The following RBM10 variants were observed in gnomAD, a reference collection of about 807,000 sequenced individuals.
RBM10 encodes the protein RNA-binding protein 10.
A neutral mutation model predicts 84.9 loss-of-function variants in RBM10; 1 was observed. The ratio of observed to expected loss-of-function variants is 0.01; its 90% CI spans 0.00 to 0.06. RBM10 has a LOEUF of 0.06. Ranked by LOEUF, RBM10 falls within the 10% of genes least tolerant of loss-of-function variation. The pLI, the probability that RBM10 is intolerant of heterozygous loss-of-function variation, is 1.00. For missense variants in RBM10, 438 were observed against 839.0 expected, an observed-to-expected ratio of 0.52 and a Z score of 5.90; for synonymous variants, 326 against 344.5, an observed-to-expected ratio of 0.95 and a Z score of 0.60.
At chrX:47,156,639 T>TA (rs1556765272) in intron 2 of RBM10, 5 of 156,685 alleles carry the variant, frequency 3.2e-5, no homozygotes, top group Non-Finnish European at 2.4e-5. Flanking sequence ...GCTCCATGGG[T>TA]ACTGGGAGGA....
chrX:47,186,032 C>T (rs1935880724), intron 21 of RBM10, 33 bp from the exon 22 acceptor site: 2 of 1,201,925 alleles, frequency 1.7e-6, no homozygotes, highest in Non-Finnish European at 2.3e-6. Context: ...GAGACCAGCT[C>T]CCCAACATTC....
intron 3 of RBM10, among the ~76,000 whole-genome samples, chrX:47,170,286 G>A (rs1291383711): frequency 1.8e-5 from 2 of 113,771 alleles, no homozygotes; most frequent in Non-Finnish European, 3.7e-5. Flanking sequence ...GCTGTGCCCA[G>A]ACGTCTCCAG....
chrX:47,153,872 A>T (rs1161251113), intron 2 of RBM10, among the ~76,000 whole-genome samples: 1 of 111,057 alleles, frequency 9.0e-6, no homozygotes, highest in African/African-American at 3.3e-5. Flanking sequence ...ATCCTGGGCA[A>T]CATGGCGAAA....
rs1932008838 is a variant in RBM10, at chrX:47,145,284, T to G, written c.-327T>G. On this transcript the variant is annotated 5_prime_UTR_variant, in exon 1 of 24. Coordinates refer to ENST00000377604, the MANE Select transcript of RBM10 (RefSeq NM_005676.5). ...GTCGTCGCCATTTTGAGCTGGTGAC[T>G]GTGGCCGGCTGGGAGTAGGCGGCAG... is the stretch of plus-strand genomic sequence containing the variant. 1 of 557,721 alleles carries G rather than the reference T, an allele frequency of 1.8e-6. No individual in the cohort carries two copies. Among genetic ancestry groups the G allele is most frequent in the Non-Finnish European group, 3.0e-6 (1 of 332,161 alleles). 46.0% of individuals were successfully genotyped at this position (557,721 alleles called of 1,213,427 possible).
At chrX:47,171,449 G>A (rs1031179934) in intron 4 of RBM10, among the ~76,000 whole-genome samples, 191 bp downstream of exon 4, 2 of 112,754 alleles carry the variant, frequency 1.8e-5, no homozygotes, top group Non-Finnish European at 1.9e-5. Context: ...GGAGGGAGGA[G>A]TGTCAGAGAG....
chrX:47,171,366 T>G, intron 4 of RBM10, 108 bp downstream of exon 4: 1 of 1,085,210 alleles, frequency 9.2e-7, no homozygotes, highest in South Asian at 2.2e-5. Context: ...CTTTCATCCC[T>G]TCTCCCCCTC....
chrX:47,165,630 C>T (rs1934123552), intron 2 of RBM10, among the ~76,000 whole-genome samples: 1 of 109,623 alleles, frequency 9.1e-6, no homozygotes, highest in Non-Finnish European at 1.9e-5. Flanking sequence ...ACTGGCCTGG[C>T]CAACATGGTG....
At chrX:47,169,653 C>T (rs1934494999) in intron 3 of RBM10, among the ~76,000 whole-genome samples, 155 bp downstream of exon 3, 1 of 112,098 alleles carries the variant, frequency 8.9e-6, no homozygotes, top group Admixed American at 9.4e-5. Flanking sequence ...TGTTCCCACT[C>T]CCCTCTCTGA....
intron 17 of RBM10, among the ~76,000 whole-genome samples, chrX:47,184,828 A>G (rs1556781294): frequency 1.8e-5 from 2 of 110,945 alleles, no homozygotes; most frequent in Admixed American, 9.6e-5. Flanking sequence ...TTTTAAGGAC[A>G]TTGTATTTGG....
chrX:47,157,890 C>T (rs1360252615), intron 2 of RBM10: 29 of 277,084 alleles, frequency 1.0e-4, no homozygotes, highest in Non-Finnish European at 1.8e-4. Context: ...AGCGATTCTC[C>T]TCCCTCAGCC....
rs2147209517 is a variant in RBM10, at chrX:47,185,049, C to G, written c.1951-6C>G. 8.3e-7 allele frequency: 1 copy of G among 1,206,998 alleles called. No homozygotes were observed. Among genetic ancestry groups the G allele is most frequent in the Non-Finnish European group, 1.1e-6 (1 of 893,330 alleles). ...CTGGGAACCTCACCTCCACCCTCAC[C>G]CCCAGATTGCCAAGGACATGGAACG... On this transcript the variant is annotated splice_region_variant and splice_polypyrimidine_tract_variant and intron_variant, in intron 17 of 23. Transcript: ENST00000377604.
intron 2 of RBM10, among the ~76,000 whole-genome samples, chrX:47,160,587 TAAAA>T (rs59952208): frequency 1.0e-5 from 1 of 99,926 alleles, no homozygotes; most frequent in Non-Finnish European, 2.1e-5. Context: ...TATTAAAAAG[TAAAA>T]AAAAAAAAAC....
chrX:47,186,436 C>T, intron 23 of RBM10, 38 bp from the exon 24 acceptor site: 1 of 1,201,271 alleles, frequency 8.3e-7, no homozygotes, highest in Middle Eastern at 2.3e-4. Context: ...CTCACAGCAT[C>T]CCCCACCAGC....
chrX:47,148,964 CATAG>C (rs1400198766), intron 2 of RBM10, among the ~76,000 whole-genome samples: 1 of 105,090 alleles, frequency 9.5e-6, no homozygotes, highest in African/African-American at 3.5e-5. Flanking sequence ...GAAAATGTAT[CATAG>C]ATTTATCATA....
intron 6 of RBM10, among the ~76,000 whole-genome samples, chrX:47,176,040 T>A (rs1411053741): frequency 8.9e-6 from 1 of 112,976 alleles, no homozygotes; most frequent in African/African-American, 3.2e-5. Flanking sequence ...AACTTCCATC[T>A]GTTCGAAATG....
At chrX:47,158,833 G>A (rs190094367) in intron 2 of RBM10, among the ~76,000 whole-genome samples, 34 of 111,955 alleles carry the variant, frequency 3.0e-4, no homozygotes, top group South Asian at 2.6e-3. Context: ...CCACCTTCCC[G>A]GTCTAGTGAT....
At chrX:47,171,295 C>T in intron 4 of RBM10, 37 bp downstream of exon 4, 1 of 1,204,700 alleles carries the variant, frequency 8.3e-7, no homozygotes, top group South Asian at 1.8e-5. Context: ...GGAGGCCAGG[C>T]TGGGTCTCCT....
At chrX:47,176,246 A>G (rs949392228) in intron 6 of RBM10, among the ~76,000 whole-genome samples, 2 of 111,052 alleles carry the variant, frequency 1.8e-5, no homozygotes, top group Admixed American at 9.4e-5. Flanking sequence ...GGTCAGCCGA[A>G]CACTGTGTGC....
At chrX:47,146,874 A>G (rs1372224722) in intron 1 of RBM10, among the ~76,000 whole-genome samples, 1 of 111,049 alleles carries the variant, frequency 9.0e-6, no homozygotes, top group Non-Finnish European at 1.9e-5. Flanking sequence ...CTTATAGGGG[A>G]CAGCCAGCAG....
Sources: allele counts gnomAD v4.1 joint callset (sites outside exome capture counted in the v4.1 genomes callset), GRCh38; gene constraint gnomAD v4.1.1; transcripts MANE v1.5; gene names NCBI Gene and HGNC (gene_info 2026-07-23, HGNC 2026-07-21).